PHKB: variants seen among roughly 807,000 people sequenced by gnomAD.
PHKB encodes phosphorylase b kinase regulatory subunit beta.
In PHKB, 122 loss-of-function variants were observed where a neutral mutation model predicts 152.1. The observed-to-expected ratio is 0.80, with a 90% CI of 0.69 to 0.93. PHKB has a LOEUF of 0.93. Among genes scored for constraint, PHKB ranks in the 40% least tolerant of loss-of-function variants. The pLI, the probability that PHKB is intolerant of heterozygous loss-of-function variation, is 0.00. For synonymous variants in PHKB, 436 were observed against 464.9 expected (o/e 0.94, Z 0.80); for missense variants, 1,304 against 1,328.4 (o/e 0.98, Z 0.29).
intron 6 of PHKB, among the ~76,000 whole-genome samples, chr16:47,538,456 G>C (rs964081385): frequency 6.6e-6 from 1 of 152,194 alleles, no homozygotes; most frequent in Non-Finnish European, 1.5e-5. Flanking sequence ...TCTGGAATAG[G>C]TGCATGTTTT....
At chr16:47,592,611 C>A (rs149193159) in intron 10 of PHKB, among the ~76,000 whole-genome samples, 1 of 152,224 alleles carries the variant, frequency 6.6e-6, no homozygotes, top group Non-Finnish European at 1.5e-5. Context: ...TGTTCCACTC[C>A]CTATGAGCCT....
intron 26 of PHKB, among the ~76,000 whole-genome samples, chr16:47,685,882 C>T (rs1973956350): frequency 1.3e-5 from 2 of 151,884 alleles, no homozygotes; most frequent in Non-Finnish European, 2.9e-5. Context: ...GCTGGGACTA[C>T]AGGCGCCTGC....
chr16:47,650,006 C>T (rs1453126071), intron 18 of PHKB, among the ~76,000 whole-genome samples: 2 of 152,180 alleles, frequency 1.3e-5, no homozygotes, highest in African/African-American at 2.4e-5. Context: ...AGTCCAGTCT[C>T]CTCCACCTGC....
intron 20 of PHKB, among the ~76,000 whole-genome samples, chr16:47,659,684 A>G (rs1973403185): frequency 6.6e-6 from 1 of 152,234 alleles, no homozygotes. Context: ...GCAGAGAAGC[A>G]TTAGCCTGGA....
At chr16:47,511,579 A>C (rs1221066996) in intron 4 of PHKB, 86 bp from the exon 5 acceptor site, 2 of 972,340 alleles carry the variant, frequency 2.1e-6, no homozygotes, top group East Asian at 2.5e-5. Context: ...GTTCATTAAA[A>C]AGTTTCATGA....
At chr16:47,685,085 C>T (rs1347713716) in intron 26 of PHKB, among the ~76,000 whole-genome samples, 1 of 152,184 alleles carries the variant, frequency 6.6e-6, no homozygotes, top group Non-Finnish European at 1.5e-5. Context: ...TTCCTTCCTT[C>T]CTTCCATCCA....
chr16:47,615,958 T>A (rs1405160764), intron 14 of PHKB, among the ~76,000 whole-genome samples: 1 of 152,216 alleles, frequency 6.6e-6, no homozygotes. Context: ...TGCAATGAAA[T>A]GGTTTTTAGT....
At position 47,669,277 on chromosome 16, in the gene PHKB, G is replaced by C; in HGVS notation, c.2490G>C (p.Val830=). The C allele has an allele frequency of 6.2e-7, 1 of 1,614,096 alleles. No individual in the cohort carries two copies. The highest frequency in any genetic ancestry group is 8.5e-7 in the Non-Finnish European group (1 of 1,179,996). Residue 830 remains valine, a synonymous_variant, in exon 26 of 31, where the codon GTG becomes GTC. Transcript: ENST00000323584. ...TCTCTAATCCTTTGTCTCCAAGAGT[G>C]ATTCAAAACATCATCTATTATAAGT... ...EVISNPLSPR[V]IQNIIYYKCN...
rs1277041914 is a variant in PHKB at position 47,641,699 on chromosome 16, G to A, written c.1608+7G>A. 1 of 1,467,864 alleles carries A rather than the reference G, an allele frequency of 6.8e-7. No individual in the cohort carries two copies. Among genetic ancestry groups the A allele is most frequent in the South Asian group, 1.1e-5 (1 of 88,112 alleles). 90.9% of individuals were successfully genotyped at this position (1,467,864 alleles called of 1,614,324 possible). On this transcript the variant is annotated splice_region_variant and intron_variant, in intron 16 of 30. Transcript: ENST00000323584. ...TCAGCAGGAGCTTGTGAAAGTAAGT[G>A]ATTCTGCCTTTTACTTTCCTTACTT...
At chr16:47,560,428 A>G (rs931517930) in intron 7 of PHKB, among the ~76,000 whole-genome samples, 1 of 152,244 alleles carries the variant, frequency 6.6e-6, no homozygotes, top group Non-Finnish European at 1.5e-5. Context: ...AGCTGATTAT[A>G]AAATGCACAG....
Position 47,497,466 on chromosome 16 carries a change from G to T in PHKB, c.144G>T (p.Lys48Asn). 2 of 1,606,988 alleles carry T rather than the reference G, an allele frequency of 1.2e-6. No homozygotes were observed. Among genetic ancestry groups the T allele is most frequent in the Non-Finnish European group, 1.7e-6 (2 of 1,175,192 alleles). Residue 48 changes from lysine (K) to asparagine (N), a missense_variant, in exon 2 of 31, where the codon AAG becomes AAT. Physicochemically the swap from Lys to Asn is moderately conservative, Grantham distance 94. Coordinates refer to ENST00000323584, the MANE Select transcript of PHKB (RefSeq NM_000293.3). Reference sequence around the variant, plus strand: ...CTGATAATGAAACTCTCTGGGATAAGTTGGACCATTATTACAGAATTGGTG... The same window carrying T: ...CTGATAATGAAACTCTCTGGGATAATTTGGACCATTATTACAGAATTGGTG... ...PRPDNETLWD[K>N]LDHYYRIVKS...
intron 1 of PHKB, among the ~76,000 whole-genome samples, chr16:47,482,705 A>G (rs1364821365): frequency 6.6e-6 from 1 of 152,200 alleles, no homozygotes; most frequent in Non-Finnish European, 1.5e-5. Flanking sequence ...TATCAGTATA[A>G]TAACAAGACA....
intron 4 of PHKB, among the ~76,000 whole-genome samples, chr16:47,511,172 C>T (rs1970504106): frequency 6.6e-6 from 1 of 152,136 alleles, no homozygotes; most frequent in Non-Finnish European, 1.5e-5. Flanking sequence ...GAAATGAAAG[C>T]ATGTTAACAG....
At chr16:47,595,380 G>A (rs923900794) in intron 12 of PHKB, among the ~76,000 whole-genome samples, 1 of 152,152 alleles carries the variant, frequency 6.6e-6, no homozygotes, top group Non-Finnish European at 1.5e-5. Flanking sequence ...TAAGTTTACT[G>A]TGGGCTAATA....
chr16:47,536,990 C>A (rs1970963425), intron 6 of PHKB, among the ~76,000 whole-genome samples: 1 of 152,186 alleles, frequency 6.6e-6, no homozygotes, highest in African/African-American at 2.4e-5. Context: ...CCAATTAGAA[C>A]CCAGGTTCCT....
rs779685840 is a variant in PHKB, at chr16:47,511,739, G to A, written c.480G>A (p.Glu160=). ...HSVFNVHTGD[E]LLSYEEYGHL... is the part of the protein sequence containing the mutation. Reference sequence around the variant, plus strand: ...TTTTCAATGTGCATACAGGAGATGAGTTGCTTTCCTATGAGGAATATGGTC... The same window carrying A: ...TTTTCAATGTGCATACAGGAGATGAATTGCTTTCCTATGAGGAATATGGTC... Residue 160 remains glutamate, a synonymous_variant, in exon 5 of 31, where the codon GAG becomes GAA. Transcript: ENST00000323584. The A allele has an allele frequency of 1.8e-5, 29 of 1,608,876 alleles. No individual in the cohort carries two copies. The highest frequency in any genetic ancestry group is 2.4e-5 in the Non-Finnish European group (28 of 1,175,256).
In PHKB at chr16:47,497,488, G is replaced by C; in HGVS notation, c.166G>C (p.Val56Leu). 6.3e-7 allele frequency: 1 copy of C among 1,585,872 alleles called. No individual in the cohort carries two copies. The highest frequency in any genetic ancestry group is 1.1e-5 in the South Asian group (1 of 90,528). ...WDKLDHYYRI[V>L]KSTLLLYQSP... ...TAAGTTGGACCATTATTACAGAATT[G>C]GTGAGTAAAACCTGAGGAAAACGTG... Residue 56 changes from valine to leucine, a missense_variant and splice_region_variant, in exon 2 of 31, where the codon GTC (valine) becomes CTC (leucine). By Grantham distance (32) the Val-to-Leu change is conservative. Transcript: ENST00000323584.
chr16:47,494,806 C>T (rs2151640421), intron 1 of PHKB, among the ~76,000 whole-genome samples: 1 of 152,292 alleles, frequency 6.6e-6, no homozygotes, highest in South Asian at 2.1e-4. Context: ...TCCATTTTTA[C>T]TGGCATTGAT....
At position 47,663,680 on chromosome 16, in the gene PHKB, C is replaced by T. The variant is rs1311130630; in HGVS notation, c.2282C>T (p.Thr761Ile). 1.9e-6 allele frequency: 3 copies of T among 1,612,224 alleles called. No individual in the cohort carries two copies. In the East Asian group the frequency reaches 6.7e-5, roughly 36 times the overall value. ...EGPNFITKEG[T>I]VSDHIERVYR... ...GACTCTATTATCCAATGTCTAGGTA[C>T]CGTTTCTGATCACATTGAGAGAGTC... is the stretch of plus-strand genomic sequence containing the variant. Residue 761 changes from threonine to isoleucine, a missense_variant, in exon 24 of 31, where the codon ACC (threonine) becomes ATC (isoleucine). Thr to Ile is a moderately conservative substitution (Grantham distance 89). Coordinates refer to ENST00000323584, the MANE Select transcript of PHKB (RefSeq NM_000293.3).
Sources: allele counts gnomAD v4.1 joint callset (sites outside exome capture counted in the v4.1 genomes callset), GRCh38; gene constraint gnomAD v4.1.1; transcripts MANE v1.5; gene names NCBI Gene and HGNC (gene_info 2026-07-23, HGNC 2026-07-21).